LYPD6: variants seen among roughly 807,000 people sequenced by gnomAD.
LYPD6 encodes the protein LY6/PLAUR domain containing 6.
A neutral mutation model predicts 22.7 loss-of-function variants in LYPD6; 15 were observed. The observed-to-expected ratio is 0.66, with a 90% CI of 0.44 to 1.02. The LOEUF is 1.02. Among genes scored for constraint, LYPD6 ranks in the 50% least tolerant of loss-of-function variants. The pLI is 0.00. For missense variants in LYPD6, 189 were observed against 208.4 expected (o/e 0.91, Z 0.57); for synonymous variants, 72 against 77.5 (o/e 0.93, Z 0.37).
At chr2:149,346,191 T>TA (rs35083189) in intron 1 of LYPD6, among the ~76,000 whole-genome samples, 1 of 152,220 alleles carries the variant, frequency 6.6e-6, no homozygotes, top group Admixed American at 6.5e-5. Context: ...TAAAAACAGT[T>TA]AAAAAATATT....
chr2:149,480,169 C>A, the LYPD6 span, among the ~76,000 whole-genome samples: 2 of 152,126 alleles, frequency 1.3e-5, no homozygotes, highest in African/African-American at 4.8e-5. Context: ...ACCACCACAT[C>A]TGGCTAACTT....
At chr2:149,459,099 A>T (rs1164397666) in intron 3 of LYPD6, among the ~76,000 whole-genome samples, 7 of 152,248 alleles carry the variant, frequency 4.6e-5, no homozygotes, top group African/African-American at 1.7e-4. Context: ...AACTAAAGCA[A>T]TCCACACAAA....
intron 1 of LYPD6, among the ~76,000 whole-genome samples, chr2:149,421,013 G>T (rs757310395): frequency 6.6e-6 from 1 of 152,134 alleles, no homozygotes; most frequent in African/African-American, 2.4e-5. Flanking sequence ...ATGGGTGAGA[G>T]CCATCATGAG....
At chr2:149,408,368 G>C (rs1682774395) in intron 1 of LYPD6, among the ~76,000 whole-genome samples, 1 of 152,214 alleles carries the variant, frequency 6.6e-6, no homozygotes, top group African/African-American at 2.4e-5. Flanking sequence ...CTTTAGGTAA[G>C]CTGAGGACTA....
intron 1 of LYPD6, among the ~76,000 whole-genome samples, chr2:149,404,007 T>A (rs1469155492): frequency 6.6e-6 from 1 of 152,198 alleles, no homozygotes; most frequent in Non-Finnish European, 1.5e-5. Flanking sequence ...CCCTATTGCT[T>A]ATTTTTCCCA....
At chr2:149,344,099 C>G (rs918324108) in intron 1 of LYPD6, among the ~76,000 whole-genome samples, 7 of 152,166 alleles carry the variant, frequency 4.6e-5, no homozygotes, top group Admixed American at 3.9e-4. Flanking sequence ...ATTGGACTAT[C>G]TGGTGTCTGA....
intron 1 of LYPD6, among the ~76,000 whole-genome samples, chr2:149,352,691 A>G (rs1334874488): frequency 2.6e-5 from 4 of 152,220 alleles, no homozygotes; most frequent in African/African-American, 7.2e-5. Flanking sequence ...TTGCACTACA[A>G]TGGTAAAAGT....
intron 1 of LYPD6, among the ~76,000 whole-genome samples, chr2:149,432,356 C>T (rs1683332712): frequency 6.6e-6 from 1 of 152,240 alleles, no homozygotes; most frequent in African/African-American, 2.4e-5. Context: ...CAATGTCTAT[C>T]ATCTGATAAT....
intron 1 of LYPD6, among the ~76,000 whole-genome samples, chr2:149,425,262 G>A (rs537858831): frequency 1.3e-5 from 2 of 152,176 alleles, no homozygotes; most frequent in Non-Finnish European, 2.9e-5. Context: ...AGTGACTGAA[G>A]CCAGCATTTC....
intron 1 of LYPD6, among the ~76,000 whole-genome samples, chr2:149,359,308 C>G (rs1681525336): frequency 6.6e-6 from 1 of 152,126 alleles, no homozygotes; most frequent in Non-Finnish European, 1.5e-5. Context: ...GAGAGTATGG[C>G]AGGCCGAGTG....
chr2:149,410,507 T>C (rs923582160), intron 1 of LYPD6, among the ~76,000 whole-genome samples: 2 of 152,102 alleles, frequency 1.3e-5, no homozygotes, highest in African/African-American at 4.8e-5. Flanking sequence ...CTCAGGGATG[T>C]TGGAAAACAA....
At chr2:149,479,921 C>T in the LYPD6 span, among the ~76,000 whole-genome samples, 3 of 152,144 alleles carry the variant, frequency 2.0e-5, no homozygotes, top group Non-Finnish European at 4.4e-5. Flanking sequence ...AGCAAGTCCC[C>T]CTGCACTGGC....
At chr2:149,410,290 T>G (rs1024602282) in intron 1 of LYPD6, among the ~76,000 whole-genome samples, 3 of 152,236 alleles carry the variant, frequency 2.0e-5, no homozygotes, top group African/African-American at 7.2e-5. Flanking sequence ...TTTAGTTGTT[T>G]TTAATCTTGT....
chr2:149,404,877 A>G (rs563162410), intron 1 of LYPD6, among the ~76,000 whole-genome samples: 1 of 152,276 alleles, frequency 6.6e-6, no homozygotes, highest in Non-Finnish European at 1.5e-5. Context: ...GGTTTGTCAT[A>G]GATAGGTCTT....
At chr2:149,485,882 C>T in the LYPD6 span, among the ~76,000 whole-genome samples, 1 of 152,110 alleles carries the variant, frequency 6.6e-6, no homozygotes, top group Non-Finnish European at 1.5e-5. Flanking sequence ...ACACTATGGC[C>T]TAAAGGAGCC....
chr2:149,456,444 T>C (rs953260187), intron 3 of LYPD6, among the ~76,000 whole-genome samples: 21 of 152,236 alleles, frequency 1.4e-4, no homozygotes, highest in Non-Finnish European at 5.9e-5. Flanking sequence ...GTCGCTGTTA[T>C]AGACTGACTT....
chr2:149,484,745 A>AT, the LYPD6 span, among the ~76,000 whole-genome samples: 1 of 152,212 alleles, frequency 6.6e-6, no homozygotes, highest in Non-Finnish European at 1.5e-5. Flanking sequence ...ACAAGGTAAG[A>AT]TAAAAAGAAG....
chr2:149,435,433 G>A (rs146606285), intron 1 of LYPD6, among the ~76,000 whole-genome samples: 40 of 152,252 alleles, frequency 2.6e-4, no homozygotes, highest in African/African-American at 9.1e-4. Flanking sequence ...GCCCTGCTAC[G>A]TACAGATTGG....
At chr2:149,384,619 A>G (rs1229841088) in intron 1 of LYPD6, among the ~76,000 whole-genome samples, 1 of 152,252 alleles carries the variant, frequency 6.6e-6, no homozygotes, top group African/African-American at 2.4e-5. Flanking sequence ...CAGAGGTAAT[A>G]GCACAGAGGG....
Sources: allele counts gnomAD v4.1 joint callset (sites outside exome capture counted in the v4.1 genomes callset), GRCh38; gene constraint gnomAD v4.1.1; transcripts MANE v1.5; gene names NCBI Gene and HGNC (gene_info 2026-07-23, HGNC 2026-07-21).